Variants in SPON2 observed in about 807,000 individuals in gnomAD.
The protein encoded by SPON2 is spondin-2.
In SPON2, 32 loss-of-function variants were observed where a neutral mutation model predicts 29.9. That is an observed-to-expected ratio of 1.07 (90% CI 0.81 to 1.44). The LOEUF (loss-of-function observed/expected upper bound fraction) is 1.44. Among genes scored for constraint, SPON2 ranks in the 40% most tolerant of loss-of-function variants. SPON2 has a pLI of 0.00. For synonymous variants in SPON2, 248 were observed against 209.1 expected (o/e 1.19, Z -1.61); for missense variants, 541 against 455.5 (o/e 1.19, Z -1.71).
chr4:1,178,594 C>T (rs1380965998), intron 2 of SPON2, among the ~76,000 whole-genome samples: 1 of 152,144 alleles, frequency 6.6e-6, no homozygotes, highest in Admixed American at 6.5e-5. Context: ...TCCTGTGCTG[C>T]CTTCTTCCTG....
intron 1 of SPON2, among the ~76,000 whole-genome samples, chr4:1,188,927 G>C (rs1430727517): frequency 6.6e-6 from 1 of 152,054 alleles, no homozygotes. Context: ...GAATAAACCC[G>C]ATGTTGTCAT....
At chr4:1,197,774 C>T (rs775096122), upstream of SPON2, among the ~76,000 whole-genome samples, 1 of 152,126 alleles carries the variant, frequency 6.6e-6, no homozygotes, top group Non-Finnish European at 1.5e-5. Context: ...CTAGGCTGGG[C>T]GTGGTGGCTC....
rs564157768 is a variant in SPON2 at position 1,193,383 on chromosome 4, C to T, written c.-239+1607G>A. Among the ~76,000 whole-genome samples the T allele has an allele frequency of 9.3e-5, 14 of 150,308 alleles. No individual in the cohort carries two copies. The South Asian group carries it at 1.7e-3, about 18-fold the overall frequency. On this transcript the variant is annotated intron_variant, in intron 1 of 3. Coordinates refer to the SPON2 transcript ENST00000502483. ...GTATCTGTCCTGGGGGAGTCCAGCA[C>T]GCCAGGCCTGGCCTCTCTCCAGAGC...
intron 1 of SPON2, among the ~76,000 whole-genome samples, chr4:1,194,229 G>A (rs931880791): frequency 1.3e-5 from 2 of 152,126 alleles, no homozygotes; most frequent in Admixed American, 6.5e-5. Flanking sequence ...AAGGGTCTTC[G>A]GCGAGGTGTG....
upstream of SPON2, among the ~76,000 whole-genome samples, chr4:1,198,005 C>G (rs1680077): frequency 0.96 from 144,301 of 150,766 alleles, 69,379 homozygotes; most frequent in East Asian, 1. Context: ...CTGAGATCGT[C>G]CCACTGCACT....
In SPON2 at chr4:1,167,658, T is replaced by C. The variant is rs756132783; in HGVS notation, c.812-2A>G. 11 of 1,596,608 alleles carry C rather than the reference T, an allele frequency of 6.9e-6. No individual in the cohort carries two copies. Among genetic ancestry groups the C allele is most frequent in the East Asian group, 2.2e-5 (1 of 44,470 alleles). ...CGCAGTCCAGCGGCGTTTCTGGAACTGGACCAAGCAAAGGGGAGACCGAGG... is the reference window on the plus strand; with the variant it reads ...CGCAGTCCAGCGGCGTTTCTGGAACCGGACCAAGCAAAGGGGAGACCGAGG... On this transcript the variant is annotated splice_acceptor_variant, in intron 5 of 5. Transcript: ENST00000290902. LOFTEE classifies it high-confidence loss of function.
chr4:1,185,766 C>T (rs1727781632), intron 1 of SPON2, among the ~76,000 whole-genome samples: 2 of 147,252 alleles, frequency 1.4e-5, no homozygotes, highest in Non-Finnish European at 3.0e-5. Context: ...AAAATTAACT[C>T]AAAACTGATT....
chr4:1,182,009 T>C (rs1727709267), intron 1 of SPON2, among the ~76,000 whole-genome samples: 1 of 152,108 alleles, frequency 6.6e-6, no homozygotes, highest in African/African-American at 2.4e-5. Flanking sequence ...ACATACAGGC[T>C]CAGAAAAGAC....
At chr4:1,194,946 A>AGGACC (rs1728017200) in intron 1 of SPON2, 1 of 131,778 alleles carries the variant, frequency 7.6e-6, no homozygotes, top group Non-Finnish European at 1.6e-5. Context: ...CGGCGGCTCC[A>AGGACC]ACCTCGCAGC....
intron 4 of SPON2, 177 bp from the exon 5 acceptor site, chr4:1,170,753 C>G: frequency 1.0e-6 from 1 of 990,694 alleles, no homozygotes; most frequent in East Asian, 2.6e-5. Context: ...AAACCGAGGC[C>G]AGGAAGGGGC....
intron 2 of SPON2, 156 bp downstream of exon 2, chr4:1,171,696 A>G (rs1727455729): frequency 3.9e-6 from 3 of 766,878 alleles, no homozygotes; most frequent in Non-Finnish European, 6.4e-6. Context: ...CATCCCCGGA[A>G]CCGCACACCG....
At chr4:1,205,854 G>C (rs2108684467) in intron 1 of SPON2, among the ~76,000 whole-genome samples, 1 of 152,320 alleles carries the variant, frequency 6.6e-6, no homozygotes, top group South Asian at 2.1e-4. Flanking sequence ...AGCTTGGATG[G>C]GCAGAAAGGT....
chr4:1,180,916 C>T (rs1727690578), intron 1 of SPON2, among the ~76,000 whole-genome samples: 2 of 152,152 alleles, frequency 1.3e-5, no homozygotes, highest in African/African-American at 2.4e-5. Context: ...AATGCAAATG[C>T]ATAACTGAAG....
intron 1 of SPON2, among the ~76,000 whole-genome samples, chr4:1,192,151 G>T (rs1188265901): frequency 6.6e-6 from 1 of 152,234 alleles, no homozygotes; most frequent in African/African-American, 2.4e-5. Context: ...CTCTCTCAAG[G>T]CCTCAGTTTC....
At chr4:1,167,718 G>T in intron 5 of SPON2, 62 bp from the exon 6 acceptor site, 2 of 1,505,532 alleles carry the variant, frequency 1.3e-6, no homozygotes, top group South Asian at 1.3e-5. Flanking sequence ...TCGTACAAAC[G>T]GAAGCCACCT....
chr4:1,175,412 C>G (rs1487968587), upstream of SPON2, among the ~76,000 whole-genome samples: 2 of 152,366 alleles, frequency 1.3e-5, no homozygotes, highest in East Asian at 3.9e-4. Context: ...TCTCCCAGCC[C>G]GGCCCTCATG....
chr4:1,186,695 C>A (rs778221107), intron 1 of SPON2, among the ~76,000 whole-genome samples: 4 of 152,146 alleles, frequency 2.6e-5, no homozygotes, highest in Non-Finnish European at 5.9e-5. Context: ...ACAAAAAACT[C>A]AATTTAAAAA....
upstream of SPON2, among the ~76,000 whole-genome samples, chr4:1,174,843 G>T (rs907663850): frequency 6.6e-6 from 1 of 152,234 alleles, no homozygotes; most frequent in African/African-American, 2.4e-5. Context: ...TGTGCTGTTG[G>T]TTGAAGTCTA....
rs1338986262 is a variant in SPON2 at position 1,172,148 on chromosome 4, G to A, written c.-3-74C>T. 3 of 1,353,384 alleles carry A rather than the reference G, an allele frequency of 2.2e-6. No homozygotes were observed. The African/African-American group carries it at 4.3e-5, about 19-fold the overall frequency. The allele number at this position is 1,353,384 out of a possible 1,614,324, so 83.8% of individuals were successfully genotyped here. A position where few individuals can be genotyped will look rare whatever the true frequency, so the allele number is the denominator to read the frequency against. ...CTCGGGGTGGAAAGCCGAGAGGGCT[G>A]CGGCACTTTGGGCTCTGAGGACGGC... is the stretch of plus-strand genomic sequence containing the variant. On this transcript the variant is annotated intron_variant, in intron 1 of 5. Coordinates refer to ENST00000290902, the MANE Select transcript of SPON2 (RefSeq NM_012445.4).
Sources: allele counts gnomAD v4.1 joint callset (sites outside exome capture counted in the v4.1 genomes callset), GRCh38; gene constraint gnomAD v4.1.1; transcripts MANE v1.5; gene names NCBI Gene and HGNC (gene_info 2026-07-23, HGNC 2026-07-21).